Variants in TRPM3 observed in about 807,000 individuals in gnomAD.
TRPM3 encodes long transient receptor potential channel 3.
TRPM3 carries 77 observed loss-of-function variants against 181.2 expected under a neutral mutation model. That is an observed-to-expected ratio of 0.42 (90% CI 0.35 to 0.51). TRPM3 has a LOEUF of 0.51. TRPM3 is among the 20% of genes least tolerant of loss of function. TRPM3 has a pLI of 0.01. For synonymous variants in TRPM3, 745 were observed against 796.4 expected, an observed-to-expected ratio of 0.94 and a Z score of 1.09; for missense variants, 1,759 against 2,196.7, an observed-to-expected ratio of 0.80 and a Z score of 3.98.
intron 1 of TRPM3, among the ~76,000 whole-genome samples, chr9:70,865,883 C>A (rs898890875): frequency 6.6e-6 from 1 of 152,060 alleles, no homozygotes; most frequent in Non-Finnish European, 1.5e-5. Flanking sequence ...AAAGAGCACC[C>A]ACCGTGCCTC....
chr9:70,808,595 T>C (rs1247800202), intron 6 of TRPM3, among the ~76,000 whole-genome samples: 4 of 152,252 alleles, frequency 2.6e-5, no homozygotes, highest in African/African-American at 9.6e-5. Context: ...ATATTTCAGT[T>C]ACACAGCCAA....
At chr9:71,180,133 C>T (rs2077317445) in intron 1 of TRPM3, among the ~76,000 whole-genome samples, 1 of 144,392 alleles carries the variant, frequency 6.9e-6, no homozygotes, top group Admixed American at 7.3e-5. Context: ...CAGCTCACTG[C>T]AACCTCCACA....
intron 1 of TRPM3, among the ~76,000 whole-genome samples, chr9:71,444,188 A>AC (rs903539421): frequency 2.0e-5 from 3 of 151,730 alleles, no homozygotes; most frequent in Non-Finnish European, 2.9e-5. Flanking sequence ...AAAAAAAAAA[A>AC]AAAAAAAACT....
At chr9:71,201,433 C>T (rs1200379818) in intron 1 of TRPM3, among the ~76,000 whole-genome samples, 22 of 152,126 alleles carry the variant, frequency 1.4e-4, no homozygotes, top group East Asian at 1.9e-4. Context: ...CTTGCTAGAT[C>T]GGGGAAGTTC....
At chr9:70,977,324 C>T (rs574410964) in intron 1 of TRPM3, among the ~76,000 whole-genome samples, 9 of 152,182 alleles carry the variant, frequency 5.9e-5, no homozygotes, top group East Asian at 2.0e-4. Flanking sequence ...TTAGTAGAGA[C>T]GGGGTTTCAC....
intron 9 of TRPM3, among the ~76,000 whole-genome samples, chr9:70,650,143 C>A (rs191493054): frequency 2.0e-5 from 3 of 152,128 alleles, no homozygotes; most frequent in Non-Finnish European, 4.4e-5. Flanking sequence ...ACAAGAGACA[C>A]CAGGACTTAC....
chr9:71,089,136 TATATATGAATATATATTTTATATC>T (rs1461689289), intron 1 of TRPM3, among the ~76,000 whole-genome samples: 2 of 147,568 alleles, frequency 1.4e-5, no homozygotes, highest in Non-Finnish European at 3.0e-5. Flanking sequence ...TCATATATAT[TATATATGAATATATATTTTATATC>T]ATATATGAAT....
chr9:71,290,203 C>T (rs951737997), intron 1 of TRPM3, among the ~76,000 whole-genome samples: 2 of 151,970 alleles, frequency 1.3e-5, no homozygotes, highest in Non-Finnish European at 2.9e-5. Context: ...TAATGTGACG[C>T]ACTCTTTTTC....
chr9:70,544,008 G>C (rs922420979), intron 25 of TRPM3, among the ~76,000 whole-genome samples: 8 of 152,150 alleles, frequency 5.3e-5, no homozygotes, highest in Non-Finnish European at 7.3e-5. Flanking sequence ...AACAATCACT[G>C]CAAGTCCAGC....
intron 1 of TRPM3, among the ~76,000 whole-genome samples, chr9:70,893,118 TTAA>T (rs1370831978): frequency 9.2e-5 from 14 of 152,294 alleles, no homozygotes; most frequent in African/African-American, 3.1e-4. Context: ...ACTGCTATTA[TTAA>T]TATTATATGT....
At chr9:71,358,854 G>C (rs1055490713) in intron 1 of TRPM3, among the ~76,000 whole-genome samples, 7 of 152,126 alleles carry the variant, frequency 4.6e-5, no homozygotes, top group Non-Finnish European at 1.0e-4. Context: ...GTAATGCATA[G>C]GTGCTATTAT....
At chr9:71,117,479 A>G (rs2072666121) in intron 1 of TRPM3, among the ~76,000 whole-genome samples, 2 of 152,140 alleles carry the variant, frequency 1.3e-5, no homozygotes, top group Non-Finnish European at 2.9e-5. Flanking sequence ...CAATTCTTTC[A>G]GTCCAAATAG....
intron 1 of TRPM3, among the ~76,000 whole-genome samples, chr9:71,066,999 G>C (rs566222585): frequency 4.6e-4 from 70 of 152,168 alleles, no homozygotes; most frequent in Middle Eastern, 3.4e-3. Flanking sequence ...TTGATTTTAG[G>C]GTTAGTGCCA....
At chr9:71,323,165 T>A (rs747523555) in intron 1 of TRPM3, among the ~76,000 whole-genome samples, 2 of 151,908 alleles carry the variant, frequency 1.3e-5, no homozygotes, top group Non-Finnish European at 2.9e-5. Context: ...AACAGTGTAG[T>A]CTCTGTTCAG....
At chr9:70,867,869 C>A (rs1197084341) in intron 1 of TRPM3, among the ~76,000 whole-genome samples, 1 of 151,906 alleles carries the variant, frequency 6.6e-6, no homozygotes, top group Non-Finnish European at 1.5e-5. Flanking sequence ...TGGTTTGTTT[C>A]CTAAACAAAT....
chr9:71,370,507 C>G (rs1322759559), intron 1 of TRPM3, among the ~76,000 whole-genome samples: 2 of 152,132 alleles, frequency 1.3e-5, no homozygotes, highest in Non-Finnish European at 2.9e-5. Context: ...CCACAACATT[C>G]CCTTAGGCCA....
intron 1 of TRPM3, among the ~76,000 whole-genome samples, chr9:71,031,308 A>G (rs1014727549): frequency 6.6e-6 from 1 of 152,208 alleles, no homozygotes; most frequent in Non-Finnish European, 1.5e-5. Context: ...TTAAAATTAG[A>G]TTGCTATAGT....
intron 1 of TRPM3, among the ~76,000 whole-genome samples, chr9:71,400,822 T>C (rs2093325739): frequency 6.6e-6 from 1 of 151,592 alleles, no homozygotes; most frequent in Non-Finnish European, 1.5e-5. Flanking sequence ...GAAATTTTAA[T>C]GACACAGAAA....
chr9:71,316,592 C>A (rs1295913949), intron 1 of TRPM3, among the ~76,000 whole-genome samples: 1 of 151,964 alleles, frequency 6.6e-6, no homozygotes, highest in Non-Finnish European at 1.5e-5. Context: ...ACATTGCTGT[C>A]TTTGAAGATG....
Sources: allele counts gnomAD v4.1 joint callset (sites outside exome capture counted in the v4.1 genomes callset), GRCh38; gene constraint gnomAD v4.1.1; transcripts MANE v1.5; gene names NCBI Gene and HGNC (gene_info 2026-07-23, HGNC 2026-07-21).